Variants in AUTS2 observed in about 807,000 individuals in gnomAD.
AUTS2 encodes autism susceptibility gene 2 protein.
Under a neutral mutation model 112.4 loss-of-function variants are expected in AUTS2, and 17 were observed. The observed-to-expected ratio is 0.15, with a 90% CI of 0.10 to 0.23. The LOEUF (loss-of-function observed/expected upper bound fraction) is 0.23, where lower values mean the gene tolerates loss of function less well. Among genes scored for constraint, AUTS2 ranks in the 10% least tolerant of loss-of-function variants. AUTS2 has a pLI of 1.00. For missense variants in AUTS2, 1,510 were observed against 1,701.6 expected (o/e 0.89, Z 1.98); for synonymous variants, 751 against 702.7 (o/e 1.07, Z -1.09).
At chr7:70,405,399 A>C (rs1331443550) in intron 4 of AUTS2, among the ~76,000 whole-genome samples, 1 of 152,348 alleles carries the variant, frequency 6.6e-6, no homozygotes, top group East Asian at 1.9e-4. Flanking sequence ...AGTCTGTGAA[A>C]TGGAAAGGAA....
In AUTS2 at chr7:69,855,350, A is replaced by G. The variant is rs1390673920; in HGVS notation, c.310-43936A>G. ...ACGGAATTTTATTATTGGACAGGCTAATAGAGATCTGTTTGAGCAGCCTAT... is the reference window on the plus strand; with the variant it reads ...ACGGAATTTTATTATTGGACAGGCTGATAGAGATCTGTTTGAGCAGCCTAT... On this transcript the variant is annotated intron_variant, in intron 1 of 18. Coordinates refer to ENST00000342771, the MANE Select transcript of AUTS2 (RefSeq NM_015570.4). Among the ~76,000 whole-genome samples the G allele has an allele frequency of 3.3e-5, 5 of 152,224 alleles. No individual in the cohort carries two copies. The East Asian group carries it at 9.6e-4, about 29-fold the overall frequency.
chr7:70,097,866 C>T (rs1804283848), intron 2 of AUTS2, among the ~76,000 whole-genome samples: 1 of 152,208 alleles, frequency 6.6e-6, no homozygotes, highest in African/African-American at 2.4e-5. Context: ...GTGCGGCAGT[C>T]TAGAAAGCAT....
chr7:70,717,925 A>G (rs951048361), intron 6 of AUTS2, among the ~76,000 whole-genome samples: 2 of 152,214 alleles, frequency 1.3e-5, no homozygotes, highest in Non-Finnish European at 2.9e-5. Context: ...TGCCAACCAC[A>G]GTGAACATCC....
At chr7:69,820,868 A>G (rs758412299) in intron 1 of AUTS2, among the ~76,000 whole-genome samples, 15 of 152,228 alleles carry the variant, frequency 9.9e-5, no homozygotes, top group Non-Finnish European at 2.2e-4. Context: ...AATCAACTAT[A>G]GAACTTAGGC....
intron 4 of AUTS2, among the ~76,000 whole-genome samples, chr7:70,203,557 C>T (rs1012229264): frequency 6.8e-6 from 1 of 146,648 alleles, no homozygotes; most frequent in South Asian, 2.2e-4. Context: ...CTTAAAAAAT[C>T]TAACAATTAC....
chr7:69,843,967 A>G, intron 1 of AUTS2, among the ~76,000 whole-genome samples: 1 of 152,220 alleles, frequency 6.6e-6, no homozygotes, highest in Non-Finnish European at 1.5e-5. Context: ...GGCCTGATAA[A>G]TAGTATCTTT....
chr7:69,778,244 ATAT>A (rs1481602428), intron 1 of AUTS2, among the ~76,000 whole-genome samples: 13 of 83,060 alleles, frequency 1.6e-4, no homozygotes, highest in African/African-American at 4.9e-4. Context: ...ATATATATAT[ATAT>A]TTTTTTTTTT....
At chr7:70,303,423 C>T (rs1236579657) in intron 4 of AUTS2, among the ~76,000 whole-genome samples, 3 of 123,126 alleles carry the variant, frequency 2.4e-5, no homozygotes, top group African/African-American at 3.4e-5. Context: ...CACACACACA[C>T]GCGCGCGCGC....
At chr7:70,591,527 A>G (rs1802946543) in intron 5 of AUTS2, among the ~76,000 whole-genome samples, 2 of 152,128 alleles carry the variant, frequency 1.3e-5, no homozygotes, top group Non-Finnish European at 2.9e-5. Context: ...CCACCCAGGT[A>G]GCTGGGATTA....
intron 4 of AUTS2, among the ~76,000 whole-genome samples, chr7:70,373,363 C>G (rs113416986): frequency 2.0e-5 from 3 of 152,038 alleles, no homozygotes; most frequent in Non-Finnish European, 2.9e-5. Context: ...TTTATGACTC[C>G]CTCTTGGTTT....
chr7:70,688,997 C>T (rs1808609956), intron 5 of AUTS2, among the ~76,000 whole-genome samples: 1 of 152,190 alleles, frequency 6.6e-6, no homozygotes, highest in Admixed American at 6.5e-5. Flanking sequence ...AGTTTCATCA[C>T]ATCTTAAGGC....
At chr7:69,762,039 T>A (rs1410324140) in intron 1 of AUTS2, among the ~76,000 whole-genome samples, 1 of 152,168 alleles carries the variant, frequency 6.6e-6, no homozygotes, top group Non-Finnish European at 1.5e-5. Flanking sequence ...GGAATTTATA[T>A]CCTAGTGGAC....
intron 5 of AUTS2, among the ~76,000 whole-genome samples, chr7:70,447,792 G>A (rs1186666585): frequency 6.6e-6 from 1 of 152,206 alleles, no homozygotes; most frequent in Non-Finnish European, 1.5e-5. Context: ...ATCACTCAAA[G>A]AAGATGTTTT....
At chr7:70,244,709 T>C (rs1474653279) in intron 4 of AUTS2, among the ~76,000 whole-genome samples, 1 of 152,192 alleles carries the variant, frequency 6.6e-6, no homozygotes, top group Non-Finnish European at 1.5e-5. Flanking sequence ...ATGGCACCTG[T>C]AATTATGACC....
At chr7:70,533,548 G>A (rs141251483) in intron 5 of AUTS2, among the ~76,000 whole-genome samples, 11 of 152,232 alleles carry the variant, frequency 7.2e-5, no homozygotes, top group East Asian at 5.8e-4. Context: ...GTTTTCTCCC[G>A]TGGCAGAACA....
At chr7:70,393,443 A>AGATC (rs1319123818) in intron 4 of AUTS2, among the ~76,000 whole-genome samples, 30 of 151,846 alleles carry the variant, frequency 2.0e-4, no homozygotes, top group Admixed American at 3.9e-4. Context: ...TGGACACAGT[A>AGATC]TTTCACTGGA....
chr7:70,064,032 A>G (rs1396080134), intron 2 of AUTS2, among the ~76,000 whole-genome samples: 2 of 152,188 alleles, frequency 1.3e-5, no homozygotes, highest in Non-Finnish European at 2.9e-5. Flanking sequence ...TCATTCTATT[A>G]CAGAAGAGCC....
At chr7:70,782,001 A>G (rs1016702831) in intron 15 of AUTS2, 2 of 529,822 alleles carry the variant, frequency 3.8e-6, no homozygotes, top group African/African-American at 3.8e-5. Context: ...GCTTCGGTTC[A>G]TTATTTGCTT....
At chr7:70,355,775 C>T (rs1791983299) in intron 4 of AUTS2, among the ~76,000 whole-genome samples, 1 of 152,130 alleles carries the variant, frequency 6.6e-6, no homozygotes, top group African/African-American at 2.4e-5. Flanking sequence ...ATATAGGGTT[C>T]ACTTTTATTC....
Sources: gnomAD v4.1 joint callset for allele counts (sites outside exome capture counted in the v4.1 genomes callset) on GRCh38, gnomAD v4.1.1 for gene constraint, MANE v1.5 for transcripts, NCBI Gene and HGNC (gene_info 2026-07-23, HGNC 2026-07-21) for gene names.